Variants in TFB1M observed in about 807,000 individuals in gnomAD.
TFB1M encodes transcription factor B1, mitochondrial, also known as dimethyladenosine transferase 1, mitochondrial.
Under a neutral mutation model 31.1 loss-of-function variants are expected in TFB1M, and 27 were observed. That is an observed-to-expected ratio of 0.87 (90% CI 0.64 to 1.20). The LOEUF is 1.20. Among genes scored for constraint, TFB1M ranks in the 50% most tolerant of loss-of-function variants. The pLI is 0.00. For missense variants in TFB1M, 394 were observed against 418.7 expected, an observed-to-expected ratio of 0.94 and a Z score of 0.51; for synonymous variants, 166 against 151.8, an observed-to-expected ratio of 1.09 and a Z score of -0.69.
chr6:155,244,918 T>G, the TFB1M span: 1 of 1,147,628 alleles, frequency 8.7e-7, no homozygotes. Context: ...ACTATTTCCT[T>G]GCACCGTTTT....
intron 5 of TFB1M, chr6:155,276,013 C>T (rs1555774): frequency 0.28 from 457,452 of 1,613,840 alleles, 72,150 homozygotes; most frequent in East Asian, 0.65. Context: ...TCTGCACTTC[C>T]ACAGTAGGAA....
At chr6:155,304,512 A>G (rs1476119849) in intron 2 of TFB1M, among the ~76,000 whole-genome samples, 1 of 152,186 alleles carries the variant, frequency 6.6e-6, no homozygotes, top group Admixed American at 6.5e-5. Flanking sequence ...ATTAGACAAC[A>G]AAAAGCACAG....
chr6:155,238,981 G>C, the TFB1M span, among the ~76,000 whole-genome samples: 4 of 152,240 alleles, frequency 2.6e-5, no homozygotes, highest in East Asian at 7.7e-4. Flanking sequence ...GCATAGAACA[G>C]AGAGGGCAGT....
downstream of TFB1M, chr6:155,254,574 G>A: frequency 1.2e-6 from 2 of 1,609,504 alleles, no homozygotes; most frequent in Non-Finnish European, 1.7e-6. Context: ...GCCAAATTAG[G>A]TGAGAATTTT....
the TFB1M span, among the ~76,000 whole-genome samples, chr6:155,237,186 G>A: frequency 6.6e-6 from 1 of 152,208 alleles, no homozygotes; most frequent in Admixed American, 6.5e-5. Flanking sequence ...GGGGCTCCAG[G>A]CCCCATGCAA....
chr6:155,304,593 C>T (rs971740665), intron 2 of TFB1M, among the ~76,000 whole-genome samples: 1 of 152,022 alleles, frequency 6.6e-6, no homozygotes, highest in Non-Finnish European at 1.5e-5. Flanking sequence ...ACTGTAAGCA[C>T]ATCATGATGA....
At chr6:155,254,936 C>CGGCG, downstream of TFB1M, 1 of 177,468 alleles carries the variant, frequency 5.6e-6, no homozygotes, top group South Asian at 1.7e-4. Context: ...AAGAACCTTA[C>CGGCG]ACAGAGGGTC....
At chr6:155,291,863 A>C (rs1297152482) in intron 4 of TFB1M, among the ~76,000 whole-genome samples, 1 of 152,244 alleles carries the variant, frequency 6.6e-6, no homozygotes, top group East Asian at 1.9e-4. Flanking sequence ...CTAAGAAATG[A>C]AATTCTTATG....
chr6:155,260,255 A>C lies in TFB1M; in HGVS notation c.794+18T>G. 1 of 1,614,062 alleles carries C rather than the reference A, an allele frequency of 6.2e-7. No homozygotes were observed. ...TTTTATAAAGACTGCAACTGAAGAG[A>C]AGAAAAGGCATTCTTACCTGAGCCC... On this transcript the variant is annotated intron_variant, in intron 6 of 6. Transcript: ENST00000367166.
chr6:155,308,609 T>C (rs1231841938), intron 2 of TFB1M, among the ~76,000 whole-genome samples: 2 of 152,136 alleles, frequency 1.3e-5, no homozygotes, highest in Non-Finnish European at 2.9e-5. Context: ...CACAAAACTA[T>C]ACTATACTAA....
the TFB1M span, chr6:155,250,849 C>G: frequency 6.6e-7 from 1 of 1,507,306 alleles, no homozygotes; most frequent in East Asian, 2.3e-5. Context: ...ACATCACTAT[C>G]TAACAAGAGA....
intron 6 of TFB1M, 100 bp from the exon 7 acceptor site, chr6:155,258,182 G>T: frequency 7.1e-7 from 1 of 1,403,694 alleles, no homozygotes; most frequent in Non-Finnish European, 9.9e-7. Context: ...CAACACAGTT[G>T]CTGGCTACTG....
chr6:155,245,544 C>T, the TFB1M span: 50 of 1,162,506 alleles, frequency 4.3e-5, no homozygotes, highest in Non-Finnish European at 6.3e-5. Context: ...TGACAGAAGC[C>T]ATGGGGCCGT....
Position 155,298,490 on chromosome 6 carries a change from T to A in TFB1M, c.381A>T (p.Arg127Ser). 1 of 1,594,714 alleles carries A rather than the reference T, an allele frequency of 6.3e-7. No homozygotes were observed. Among genetic ancestry groups the A allele is most frequent in the Non-Finnish European group, 8.6e-7 (1 of 1,162,606 alleles). Reference sequence around the variant, plus strand: ...AAAAGCACTCACCATCTTCCCAGGGTCTTTTAAGACTTTCTGAAAAAGCCT... The same window carrying A: ...AAAAGCACTCACCATCTTCCCAGGGACTTTTAAGACTTTCTGAAAAAGCCT... ...VEKAFSESLK[R>S]PWEDDPPNVH... The change falls in exon 3 of 7, where the codon AGA (arginine) becomes AGT (serine). Residue 127 changes from arginine (R) to serine (S), a missense_variant. This residue lies in a region of TFB1M where 273 missense variants were observed against 256.4 expected (regional missense o/e 1.06). Transcript: ENST00000367166.
intron 6 of TFB1M, 108 bp downstream of exon 6, chr6:155,260,165 G>A: frequency 2.4e-6 from 3 of 1,246,264 alleles, no homozygotes; most frequent in Non-Finnish European, 2.3e-6. Flanking sequence ...CCTGAACTAA[G>A]TGTAATACTC....
the TFB1M span, among the ~76,000 whole-genome samples, chr6:155,235,653 C>T: frequency 6.6e-6 from 1 of 152,238 alleles, no homozygotes; most frequent in Non-Finnish European, 1.5e-5. Context: ...AAGTAATCCT[C>T]ACCAACTCCC....
intron 5 of TFB1M, chr6:155,276,539 T>C (rs1024222196): frequency 6.2e-6 from 4 of 643,420 alleles, no homozygotes; most frequent in African/African-American, 5.5e-5. Flanking sequence ...AAAACTATCA[T>C]ATACAATTAC....
rs1178507479 is a variant in TFB1M at position 155,256,867 on chromosome 6, G to A, written c.*969C>T. On this transcript the variant is annotated 3_prime_UTR_variant, in exon 7 of 7. Transcript: ENST00000367166. ...GCAGCCTGGCCCGGAGTCGGGTGAG[G>A]GTCAGAAAGGAGGAGAGCAGCCCAA... 5 of 1,614,154 alleles carry A rather than the reference G, an allele frequency of 3.1e-6. No individual in the cohort carries two copies. The highest frequency in any genetic ancestry group is 3.4e-6 in the Non-Finnish European group (4 of 1,180,028).
At chr6:155,276,141 A>G (rs1345455798) in intron 5 of TFB1M, 2 of 1,614,216 alleles carry the variant, frequency 1.2e-6, no homozygotes, top group Admixed American at 3.3e-5. Context: ...TGGTACACAA[A>G]GGAGATCATA....
Sources: gnomAD v4.1 joint callset for allele counts (sites outside exome capture counted in the v4.1 genomes callset) on GRCh38, gnomAD v4.1.1 for gene constraint, gnomAD v4.1.1 regional missense constraint, MANE v1.5 for transcripts, NCBI Gene and HGNC (gene_info 2026-07-23, HGNC 2026-07-21) for gene names.